The following ATM variants were observed in gnomAD, a reference collection of about 807,000 sequenced individuals.
ATM encodes the protein ATM serine/threonine kinase.
ATM carries 308 observed loss-of-function variants against 387.0 expected under a neutral mutation model. The observed-to-expected ratio is 0.80, with a 90% CI of 0.73 to 0.87. The LOEUF is 0.87. Among genes scored for constraint, ATM ranks in the 40% least tolerant of loss-of-function variants. The pLI, the probability that ATM is intolerant of heterozygous loss-of-function variation, is 0.00. For synonymous variants in ATM, 1,156 were observed against 1,187.3 expected (o/e 0.97, Z 0.54); for missense variants, 3,312 against 3,560.9 (o/e 0.93, Z 1.78).
intron 6 of ATM, 79 bp from the exon 7 acceptor site, chr11:108,244,705 TCAGC>T: frequency 9.3e-7 from 1 of 1,074,620 alleles, no homozygotes; most frequent in Admixed American, 1.9e-5. Context: ...TTTTTTTCTT[TCAGC>T]ATACCACTTC....
chr11:108,269,063 C>G (rs116750255), intron 18 of ATM, among the ~76,000 whole-genome samples: 1 of 152,314 alleles, frequency 6.6e-6, no homozygotes, highest in African/African-American at 2.4e-5. Context: ...CACACACACA[C>G]TCATACGCAG....
At chr11:108,318,192 T>C (rs908548123) in intron 43 of ATM, among the ~76,000 whole-genome samples, 4 of 151,966 alleles carry the variant, frequency 2.6e-5, no homozygotes, top group Non-Finnish European at 5.9e-5. Flanking sequence ...TGAAACCCTT[T>C]CTCTACTAAA....
intron 59 of ATM, among the ~76,000 whole-genome samples, chr11:108,351,769 C>A (rs986603639): frequency 6.6e-6 from 1 of 152,218 alleles, no homozygotes; most frequent in African/African-American, 2.4e-5. Context: ...GTCATAGGGT[C>A]CATCCTGGTT....
At chr11:108,294,598 G>A (rs1181375659) in intron 31 of ATM, among the ~76,000 whole-genome samples, 1 of 152,166 alleles carries the variant, frequency 6.6e-6, no homozygotes, top group Non-Finnish European at 1.5e-5. Flanking sequence ...AATTAGCTGG[G>A]CGTGGTGGCA....
At position 108,252,886 on chromosome 11, in the gene ATM, G is replaced by T; in HGVS notation, c.1872G>T (p.Met624Ile). ...CTATGAAAAACTGTAAAGCTGCAAT[G>T]AATTTTTTCCAAAGCGTGCCAGAAT... ...SLTMKNCKAA[M>I]NFFQSVPECE... Residue 624 changes from methionine (M) to isoleucine (I), a missense_variant, in exon 12 of 63, where the codon ATG becomes ATT. By Grantham distance (10) the Met-to-Ile change is conservative (BLOSUM62 1). This residue lies in a region of ATM where 1,791 missense variants were observed against 1,804.5 expected (regional missense o/e 0.99). Coordinates refer to ENST00000675843, the MANE Select transcript of ATM (RefSeq NM_000051.4). The T allele has an allele frequency of 6.2e-7, 1 of 1,612,768 alleles. No individual in the cohort carries two copies. The highest frequency in any genetic ancestry group is 8.5e-7 in the Non-Finnish European group (1 of 1,179,198).
intron 45 of ATM, among the ~76,000 whole-genome samples, chr11:108,322,857 A>G (rs2085335503): frequency 6.6e-6 from 1 of 151,582 alleles, no homozygotes; most frequent in Non-Finnish European, 1.5e-5. Flanking sequence ...GCATTGCATT[A>G]CTGTCATTTT....
chr11:108,300,766 T>G (rs1224150570), intron 34 of ATM, among the ~76,000 whole-genome samples: 1 of 152,188 alleles, frequency 6.6e-6, no homozygotes, highest in Non-Finnish European at 1.5e-5. Flanking sequence ...AATAATTTTA[T>G]AGTAAACACC....
chr11:108,346,575 T>G (rs895723073), intron 58 of ATM: 1 of 152,478 alleles, frequency 6.6e-6, no homozygotes, highest in Non-Finnish European at 1.5e-5. Context: ...GGCATGTATG[T>G]TTTGAAAGAG....
rs183664907 is a variant in ATM at position 108,368,550 on chromosome 11, T to C, written c.*3042T>C. ...TTGTCCAAGGCAAGAAGATAGTAAA[T>C]TATAAGTACAAGTGTAATATGGACA... On this transcript the variant is annotated 3_prime_UTR_variant, in exon 63 of 63. Transcript: ENST00000675843. 5.7e-4 allele frequency: 123 copies of C among 217,268 alleles called. 1 individual carries two copies. The highest frequency in any genetic ancestry group is 2.5e-3 in the African/African-American group (111 of 44,558). 13.5% of individuals were successfully genotyped at this position (217,268 alleles called of 1,614,324 possible).
rs2135690723 is a variant in ATM, at chr11:108,282,853, CTA to C, written c.3721_3722del (p.Tyr1241HisfsTer4). The C allele has an allele frequency of 6.6e-7, 1 of 1,515,742 alleles. No individual in the cohort carries two copies. Among genetic ancestry groups the C allele is most frequent in the Non-Finnish European group, 9.1e-7 (1 of 1,094,288 alleles). The allele number at this position is 1,515,742 out of a possible 1,614,324, so 93.9% of individuals were successfully genotyped here. On this transcript the variant is annotated frameshift_variant, in exon 25 of 63. Coordinates refer to ENST00000675843, the MANE Select transcript of ATM (RefSeq NM_000051.4). LOFTEE classifies it high-confidence loss of function. ...CTTCTTTTCCTTTTATTTTATTAAA[CTA>C]CACAAATATTGAGGATTTCTATAGG... is the stretch of plus-strand genomic sequence containing the variant. ...LSSFPFILLN[Y>X]TNIEDFYRSC... is the part of the protein sequence containing the mutation.
chr11:108,319,370 G>C (rs1187106158), intron 43 of ATM, among the ~76,000 whole-genome samples: 1 of 151,836 alleles, frequency 6.6e-6, no homozygotes, highest in African/African-American at 2.4e-5. Context: ...GTGTTTTCTT[G>C]TCAGGCCAAG....
chr11:108,248,482 A>G (rs1239807443), intron 8 of ATM, among the ~76,000 whole-genome samples: 3 of 152,186 alleles, frequency 2.0e-5, no homozygotes, highest in Non-Finnish European at 2.9e-5. Flanking sequence ...CTATGTTATC[A>G]GATTTATATG....
intron 35 of ATM, among the ~76,000 whole-genome samples, chr11:108,302,534 T>A (rs190000620): frequency 1.8e-4 from 28 of 152,244 alleles, no homozygotes; most frequent in Non-Finnish European, 3.7e-4. Flanking sequence ...AAATCAAGTC[T>A]CTGTGGTAGA....
chr11:108,320,251 T>C (rs2085106413), intron 44 of ATM, among the ~76,000 whole-genome samples, 193 bp downstream of exon 44: 1 of 152,240 alleles, frequency 6.6e-6, no homozygotes, highest in African/African-American at 2.4e-5. Flanking sequence ...TCCAGGTTCA[T>C]TCTTTACCCT....
chr11:108,267,662 T>C (rs749905609), intron 17 of ATM, among the ~76,000 whole-genome samples: 8 of 152,036 alleles, frequency 5.3e-5, no homozygotes, highest in Non-Finnish European at 8.8e-5. Flanking sequence ...ATCAAGACCA[T>C]CCTGGCTAAC....
chr11:108,364,586 T>C (rs1347513307), intron 61 of ATM, among the ~76,000 whole-genome samples: 2 of 152,158 alleles, frequency 1.3e-5, no homozygotes, highest in Admixed American at 6.5e-5. Flanking sequence ...AAAAGAGCCA[T>C]AGGAATAGGG....
chr11:108,232,527 CTTTTTTTTTTT>C (rs71047685), intron 4 of ATM, among the ~76,000 whole-genome samples: 16 of 58,212 alleles, frequency 2.7e-4, no homozygotes, highest in Admixed American at 1.4e-3. Context: ...GATTTCTCTC[CTTTTTTTTTTT>C]TTTTTTTTTT....
intron 27 of ATM, 74 bp downstream of exon 27, chr11:108,287,789 T>G: frequency 4.8e-6 from 5 of 1,032,984 alleles, no homozygotes; most frequent in Non-Finnish European, 7.4e-6. Flanking sequence ...GTTGACACCT[T>G]CAATGTCTAT....
chr11:108,256,406 T>C, intron 14 of ATM, 66 bp downstream of exon 14: 2 of 1,521,170 alleles, frequency 1.3e-6, no homozygotes, highest in Non-Finnish European at 1.8e-6. Flanking sequence ...GTGAAAATTA[T>C]TACATTTGTT....
Sources: gnomAD v4.1 joint callset for allele counts (sites outside exome capture counted in the v4.1 genomes callset) on GRCh38, gnomAD v4.1.1 for gene constraint, gnomAD v4.1.1 regional missense constraint, MANE v1.5 for transcripts, NCBI Gene and HGNC (gene_info 2026-07-23, HGNC 2026-07-21) for gene names.